Variants in CAP1 observed in about 807,000 individuals in gnomAD.
CAP1 encodes the protein cyclase associated actin cytoskeleton regulatory protein 1.
CAP1 carries 11 observed loss-of-function variants against 58.2 expected under a neutral mutation model. The observed-to-expected ratio is 0.19, with a 90% CI of 0.12 to 0.31. The LOEUF (loss-of-function observed/expected upper bound fraction) is 0.31, where lower values mean the gene tolerates loss of function less well. Among genes scored for constraint, CAP1 ranks in the 10% least tolerant of loss-of-function variants. The pLI is 1.00. For synonymous variants in CAP1, 183 were observed against 213.8 expected (o/e 0.86, Z 1.26); for missense variants, 423 against 587.5 (o/e 0.72, Z 2.89).
At chr1:40,046,772 ACTT>A (rs1265467420) in intron 1 of CAP1, among the ~76,000 whole-genome samples, 1 of 150,084 alleles carries the variant, frequency 6.7e-6, no homozygotes, top group African/African-American at 2.4e-5. Context: ...GTTTATTTAA[ACTT>A]TTTTTTTTTT....
intron 1 of CAP1, among the ~76,000 whole-genome samples, chr1:40,050,462 C>A (rs949628814): frequency 2.0e-5 from 3 of 151,328 alleles, no homozygotes; most frequent in Admixed American, 1.3e-4. Flanking sequence ...AGTTCGAGAC[C>A]AGCCAGGCCA....
At chr1:40,049,675 AG>A (rs1156321493) in intron 1 of CAP1, among the ~76,000 whole-genome samples, 2 of 152,206 alleles carry the variant, frequency 1.3e-5, no homozygotes, top group East Asian at 3.9e-4. Context: ...ATTCTTTCCT[AG>A]GCTTTATTTC....
At chr1:40,050,654 A>G (rs1452307115) in intron 1 of CAP1, among the ~76,000 whole-genome samples, 1 of 151,940 alleles carries the variant, frequency 6.6e-6, no homozygotes, top group African/African-American at 2.4e-5. Context: ...GTGAGACTCC[A>G]TCTCAAAAAA....
intron 6 of CAP1, among the ~76,000 whole-genome samples, chr1:40,065,563 A>G (rs1046549396): frequency 6.6e-6 from 1 of 152,162 alleles, no homozygotes; most frequent in Non-Finnish European, 1.5e-5. Context: ...GATATATCCC[A>G]CCATTATCCC....
chr1:40,046,353 G>T (rs1036349049), intron 1 of CAP1, among the ~76,000 whole-genome samples: 17 of 152,120 alleles, frequency 1.1e-4, no homozygotes, highest in African/African-American at 4.1e-4. Context: ...TACTAGGGAG[G>T]CTGAGGCAGG....
intron 1 of CAP1, among the ~76,000 whole-genome samples, chr1:40,043,456 A>G (rs1570326242): frequency 6.6e-6 from 1 of 152,058 alleles, no homozygotes; most frequent in Non-Finnish European, 1.5e-5. Context: ...TCGCCCTCCC[A>G]AAGTGTTGTG....
chr1:40,072,265 A>C lies in CAP1; in HGVS notation c.*732A>C. 3.3e-6 allele frequency: 1 copy of C among 299,374 alleles called. No individual in the cohort carries two copies. Among genetic ancestry groups the C allele is most frequent in the Admixed American group, 7.3e-5 (1 of 13,726 alleles). 18.5% of individuals were successfully genotyped at this position (299,374 alleles called of 1,614,324 possible). A position where few individuals can be genotyped will look rare whatever the true frequency, so the allele number is the denominator to read the frequency against. On this transcript the variant is annotated 3_prime_UTR_variant, in exon 13 of 13. Transcript: ENST00000372805. ...TGACTTTAAAAGGAAAAAAAAAAAA[A>C]AAAAAACCCACATGATTTCAAGGAG...
In CAP1 at chr1:40,072,331, C is replaced by T. The variant is rs1232255574; in HGVS notation, c.*798C>T. The T allele has an allele frequency of 5.7e-6, 2 of 353,452 alleles. No individual in the cohort carries two copies. Among genetic ancestry groups the T allele is most frequent in the Non-Finnish European group, 1.0e-5 (2 of 198,496 alleles). 21.9% of individuals were successfully genotyped at this position (353,452 alleles called of 1,614,324 possible). A position where few individuals can be genotyped will look rare whatever the true frequency, so the allele number is the denominator to read the frequency against. ...TCCTTCTTCCCTGCCAGGTGCCTGT[C>T]ACCTGTCTTCACTGCCTCCTTTTCC... On this transcript the variant is annotated 3_prime_UTR_variant, in exon 13 of 13. Coordinates refer to ENST00000372805, the MANE Select transcript of CAP1 (RefSeq NM_006367.4).
Position 40,060,130 on chromosome 1 carries a change from T to C in CAP1, c.176T>C (p.Leu59Ser), listed in dbSNP as rs781191134. 2.0e-5 allele frequency: 32 copies of C among 1,613,786 alleles called. No homozygotes were observed. In the South Asian group the frequency reaches 3.0e-4, roughly 15 times the overall value. ...CTTGCTGGTCCTGTGGCAGAGTACT[T>C]GAAGATCAGTAAAGAGATTGGGGGA... ...SLLAGPVAEY[L>S]KISKEIGGDV... Residue 59 changes from leucine to serine, a missense_variant, in exon 3 of 13, where the codon TTG (leucine) becomes TCG (serine). Transcript: ENST00000372805.
intron 12 of CAP1, 63 bp downstream of exon 12, chr1:40,071,042 T>C: frequency 4.1e-6 from 6 of 1,451,832 alleles, no homozygotes; most frequent in Non-Finnish European, 5.6e-6. Context: ...TTTCTGGCAT[T>C]GAAGAAAGCT....
At position 40,070,423 on chromosome 1, in the gene CAP1, C is replaced by T; in HGVS notation, c.1118-7C>T. Reference sequence around the variant, plus strand: ...TACACGTTGACACACTCCCTTTCTTCTCCTAGATAACTGTAAGAAACTTGG... The same window carrying T: ...TACACGTTGACACACTCCCTTTCTTTTCCTAGATAACTGTAAGAAACTTGG... On this transcript the variant is annotated splice_polypyrimidine_tract_variant and splice_region_variant and intron_variant, in intron 10 of 12. Coordinates refer to ENST00000372805, the MANE Select transcript of CAP1 (RefSeq NM_006367.4). 6.2e-7 allele frequency: 1 copy of T among 1,611,948 alleles called. No homozygotes were observed.
At position 40,060,100 on chromosome 1, in the gene CAP1, C is replaced by G. The variant is rs765357509; in HGVS notation, c.146C>G (p.Ser49Trp). Reference sequence around the variant, plus strand: ...GCTCCATATGTGCAGGCATTTGACTCGCTGCTTGCTGGTCCTGTGGCAGAG... The same window carrying G: ...GCTCCATATGTGCAGGCATTTGACTGGCTGCTTGCTGGTCCTGTGGCAGAG... ...GAAPYVQAFD[S>W]LLAGPVAEYL... The change falls in exon 3 of 13, where the codon TCG becomes TGG. Residue 49 changes from serine to tryptophan, a missense_variant. By Grantham distance (177) the Ser-to-Trp change is radical. Transcript: ENST00000372805. 9 of 1,613,714 alleles carry G rather than the reference C, an allele frequency of 5.6e-6. No individual in the cohort carries two copies. Among genetic ancestry groups the G allele is most frequent in the Admixed American group, 1.7e-5 (1 of 60,012 alleles).
rs1646786881 is a variant in CAP1, at chr1:40,060,138, A to G, written c.184A>G (p.Ser62Gly). 1.9e-6 allele frequency: 3 copies of G among 1,613,610 alleles called. No homozygotes were observed. Among genetic ancestry groups the G allele is most frequent in the African/African-American group, 2.7e-5 (2 of 74,926 alleles). ...TCCTGTGGCAGAGTACTTGAAGATCAGTAAAGAGATTGGGGGAGACGTGCA... is the reference window on the plus strand; with the variant it reads ...TCCTGTGGCAGAGTACTTGAAGATCGGTAAAGAGATTGGGGGAGACGTGCA... ...AGPVAEYLKI[S>G]KEIGGDVQKH... is the part of the protein sequence containing the mutation. Residue 62 changes from serine to glycine, a missense_variant, in exon 3 of 13, where the codon AGT becomes GGT. By Grantham distance (56) the Ser-to-Gly change is moderately conservative. Transcript: ENST00000372805.
chr1:40,062,490 C>T (rs1646892199), intron 4 of CAP1, among the ~76,000 whole-genome samples: 1 of 152,124 alleles, frequency 6.6e-6, no homozygotes, highest in Admixed American at 6.5e-5. Flanking sequence ...TGGCTCATTC[C>T]TGTAATCCCA....
rs570868291 is a variant in CAP1, at chr1:40,051,787, T to G, written c.-10-7550T>G. On this transcript the variant is annotated intron_variant, in intron 1 of 12. Transcript: ENST00000372805. Reference sequence around the variant, plus strand: ...GGTTTCACAGTGTTAGCTAGGATGGTCTCGATCTCCTGACCTTGTGATCCG... The same window carrying G: ...GGTTTCACAGTGTTAGCTAGGATGGGCTCGATCTCCTGACCTTGTGATCCG... Among the ~76,000 whole-genome samples, 36 of 152,250 alleles carry G rather than the reference T, an allele frequency of 2.4e-4. No individual in the cohort carries two copies. In the Middle Eastern group the frequency reaches 0.01, roughly 43 times the overall value.
intron 7 of CAP1, 66 bp from the exon 8 acceptor site, chr1:40,067,474 C>T (rs1173683803): frequency 7.2e-7 from 1 of 1,379,400 alleles, no homozygotes; most frequent in African/African-American, 1.5e-5. Context: ...CCATGTAGGG[C>T]ACTACTGGGA....
intron 1 of CAP1, among the ~76,000 whole-genome samples, chr1:40,046,065 T>G (rs1296154260): frequency 2.6e-5 from 4 of 152,216 alleles, no homozygotes; most frequent in African/African-American, 9.6e-5. Flanking sequence ...TCAGCAGATT[T>G]CCCTCTCTAT....
In CAP1 at chr1:40,049,178, A is replaced by ATTTTTT. The variant is rs72214452; in HGVS notation, c.-11+8398_-11+8403dup. ...TGGCAGGAATCACTAGCCATTTCTAATTTTTTTTTTTTTTTTTTTTTTTTT... is the reference window on the plus strand; with the variant it reads ...TGGCAGGAATCACTAGCCATTTCTAATTTTTTTTTTTTTTTTTTTTTTTTTTTTTTT... On this transcript the variant is annotated intron_variant, in intron 1 of 12. Transcript: ENST00000372805. 4.1e-3 allele frequency among the ~76,000 whole-genome samples: 348 copies of ATTTTTT among 84,878 alleles called. 44 individuals are homozygous for ATTTTTT. Among genetic ancestry groups the ATTTTTT allele is most frequent in the African/African-American group, 0.016 (327 of 21,026 alleles). 55.7% of individuals were successfully genotyped at this position (84,878 alleles called of 152,430 possible). A position where few individuals can be genotyped will look rare whatever the true frequency, so the allele number is the denominator to read the frequency against.
intron 8 of CAP1, among the ~76,000 whole-genome samples, chr1:40,068,683 G>A (rs979187821): frequency 1.3e-5 from 2 of 151,980 alleles, no homozygotes; most frequent in Non-Finnish European, 2.9e-5. Context: ...AAGGAATGGT[G>A]GAGATAAAAA....
Sources: gnomAD v4.1 joint callset for allele counts (sites outside exome capture counted in the v4.1 genomes callset) on GRCh38, gnomAD v4.1.1 for gene constraint, MANE v1.5 for transcripts, NCBI Gene and HGNC (gene_info 2026-07-23, HGNC 2026-07-21) for gene names.